Variants in UNC13C observed in about 807,000 individuals in gnomAD.
UNC13C encodes the protein protein unc-13 homolog C.
A neutral mutation model predicts 245.4 loss-of-function variants in UNC13C; 174 were observed. That is an observed-to-expected ratio of 0.71 (90% CI 0.63 to 0.80). The LOEUF is 0.80. Ranked by LOEUF, UNC13C falls within the 30% of genes least tolerant of loss-of-function variation. The pLI, the probability that UNC13C is intolerant of heterozygous loss-of-function variation, is 0.00. For missense variants in UNC13C, 2,829 were observed against 2,602.9 expected, an observed-to-expected ratio of 1.09 and a Z score of -1.89; for synonymous variants, 992 against 895.1, an observed-to-expected ratio of 1.11 and a Z score of -1.93.
the UNC13C span, chr15:53,911,420 A>G: frequency 1.3e-5 from 2 of 152,276 alleles, no homozygotes; most frequent in Admixed American, 6.5e-5. Context: ...TGAGCAGCCA[A>G]TGGGACCGCA....
At chr15:54,303,377 G>T (rs2037638062) in intron 13 of UNC13C, among the ~76,000 whole-genome samples, 1 of 152,108 alleles carries the variant, frequency 6.6e-6, no homozygotes, top group African/African-American at 2.4e-5. Flanking sequence ...ACAACCTGCT[G>T]CTGGATAGAA....
At chr15:54,022,371 G>A (rs1170364404) in intron 2 of UNC13C, among the ~76,000 whole-genome samples, 5 of 151,722 alleles carry the variant, frequency 3.3e-5, no homozygotes, top group African/African-American at 9.7e-5. Flanking sequence ...GTACCTTGAC[G>A]ATCATGGCTC....
chr15:54,621,469 A>G (rs764188250), intron 30 of UNC13C, among the ~76,000 whole-genome samples: 7 of 148,694 alleles, frequency 4.7e-5, no homozygotes, highest in Non-Finnish European at 9.0e-5. Flanking sequence ...TTATTTTCCA[A>G]GCCTGTAGTC....
At chr15:54,227,162 C>T (rs1395419216) in intron 4 of UNC13C, among the ~76,000 whole-genome samples, 1 of 152,156 alleles carries the variant, frequency 6.6e-6, no homozygotes, top group African/African-American at 2.4e-5. Context: ...CTCCTTTCCT[C>T]AGGCAGATCG....
At chr15:53,876,605 T>A in the UNC13C span, among the ~76,000 whole-genome samples, 1 of 152,204 alleles carries the variant, frequency 6.6e-6, no homozygotes, top group Admixed American at 6.5e-5. Flanking sequence ...GAACTTCTGT[T>A]TATGTCAGGC....
chr15:54,295,716 C>A (rs1331096849), intron 11 of UNC13C, among the ~76,000 whole-genome samples: 1 of 150,602 alleles, frequency 6.6e-6, no homozygotes, highest in Admixed American at 6.6e-5. Context: ...ATATTCAGAA[C>A]TTGCTGAGGA....
In UNC13C at chr15:54,332,063, A is replaced by G; in HGVS notation, c.4446A>G (p.Leu1482=). The G allele has an allele frequency of 2.5e-6, 4 of 1,582,636 alleles. No homozygotes were observed. Among genetic ancestry groups the G allele is most frequent in the Non-Finnish European group, 3.4e-6 (4 of 1,162,636 alleles). ...TACAGAGGGAAAAATTCATAAAACT[A>G]CTGGACCAGTTACATAACTCTTTGA... ...TNFGREKFIK[L]LDQLHNSLRI... Residue 1482 remains leucine (L), a synonymous_variant, in exon 15 of 33, where the codon CTA becomes CTG. Transcript: ENST00000260323.
At chr15:54,417,291 G>A (rs575781684) in intron 19 of UNC13C, among the ~76,000 whole-genome samples, 4 of 152,226 alleles carry the variant, frequency 2.6e-5, no homozygotes, top group Non-Finnish European at 4.4e-5. Context: ...GGCAGTAGAG[G>A]AGACATCATT....
At chr15:54,203,630 A>G (rs991847290) in intron 4 of UNC13C, among the ~76,000 whole-genome samples, 9 of 148,572 alleles carry the variant, frequency 6.1e-5, no homozygotes, top group African/African-American at 2.2e-4. Context: ...TGTGTATTTT[A>G]TAAAATGGAA....
chr15:54,463,421 T>G (rs796579503), intron 19 of UNC13C, among the ~76,000 whole-genome samples: 1 of 151,896 alleles, frequency 6.6e-6, no homozygotes, highest in Non-Finnish European at 1.5e-5. Context: ...GGGTCTGCAC[T>G]GCCTTTATGA....
At chr15:54,475,281 TTTATTATTATTA>T (rs60034401) in intron 19 of UNC13C, among the ~76,000 whole-genome samples, 3,761 of 104,986 alleles carry the variant, frequency 0.036, 55 homozygotes, top group Admixed American at 0.053. Context: ...TGGTTTTTTG[TTTATTATTATTA>T]TTATTATTAT....
chr15:54,364,786 G>A (rs528008357), intron 17 of UNC13C, among the ~76,000 whole-genome samples: 6 of 152,192 alleles, frequency 3.9e-5, no homozygotes, highest in African/African-American at 1.4e-4. Context: ...AGATGGTGCC[G>A]GTAACACACT....
intron 2 of UNC13C, among the ~76,000 whole-genome samples, chr15:54,135,988 T>C (rs2031709415): frequency 6.6e-6 from 1 of 152,184 alleles, no homozygotes; most frequent in Non-Finnish European, 1.5e-5. Context: ...ACACTGAACA[T>C]CTTTCCATTT....
rs117231103 is a variant in UNC13C at position 54,320,113 on chromosome 15, C to G, written c.4269-1826C>G. Among the ~76,000 whole-genome samples, 731 of 152,106 alleles carry G rather than the reference C, an allele frequency of 4.8e-3. 4 individuals carry two copies. The highest frequency in any genetic ancestry group is 8.3e-3 in the Non-Finnish European group (564 of 67,926). On this transcript the variant is annotated intron_variant, in intron 13 of 32. Coordinates refer to ENST00000260323, the MANE Select transcript of UNC13C (RefSeq NM_001080534.3). ...TCTGAAAAATCATACAAACTGGACT[C>G]AAGTCAGAGGTTAAATTGACTTATT...
chr15:54,598,863 ATTTGACAAGAG>A (rs1899243475), intron 30 of UNC13C, among the ~76,000 whole-genome samples: 1 of 152,138 alleles, frequency 6.6e-6, no homozygotes, highest in Non-Finnish European at 1.5e-5. Context: ...ACAAATACGT[ATTTGACAAGAG>A]TTTGTTTTCC....
intron 4 of UNC13C, among the ~76,000 whole-genome samples, chr15:54,233,074 C>T (rs2035595399): frequency 6.6e-6 from 1 of 152,086 alleles, no homozygotes; most frequent in Non-Finnish European, 1.5e-5. Context: ...TTTTCTACTC[C>T]ACAGTCTCTT....
At chr15:53,882,322 G>A in the UNC13C span, among the ~76,000 whole-genome samples, 2 of 152,016 alleles carry the variant, frequency 1.3e-5, no homozygotes. Context: ...TTTGGGATTT[G>A]CAAGTCTAGG....
chr15:53,917,576 G>T, the UNC13C span, among the ~76,000 whole-genome samples: 1 of 152,092 alleles, frequency 6.6e-6, no homozygotes, highest in African/African-American at 2.4e-5. Context: ...GAAAATTTTG[G>T]ATTTAGAGTA....
chr15:54,264,699 G>A (rs2036510103), intron 9 of UNC13C, among the ~76,000 whole-genome samples: 1 of 151,736 alleles, frequency 6.6e-6, no homozygotes, highest in African/African-American at 2.4e-5. Flanking sequence ...AATTATAACA[G>A]TAGCTAATAA....
Sources: allele counts gnomAD v4.1 joint callset (sites outside exome capture counted in the v4.1 genomes callset), GRCh38; gene constraint gnomAD v4.1.1; transcripts MANE v1.5; gene names NCBI Gene and HGNC (gene_info 2026-07-23, HGNC 2026-07-21).